Variants in SLC18B1 observed in about 807,000 individuals in gnomAD.
SLC18B1 encodes the protein MFS-type transporter SLC18B1.
A neutral mutation model predicts 53.9 loss-of-function variants in SLC18B1; 62 were observed. That is an observed-to-expected ratio of 1.15 (90% confidence interval 0.94 to 1.42). SLC18B1 has a LOEUF of 1.42. SLC18B1 is among the 40% of genes most tolerant of loss of function. The probability of loss-of-function intolerance (pLI) is 0.00; values close to 1 mark genes in which losing one functional copy is unlikely to be tolerated. For synonymous variants in SLC18B1, 217 were observed against 200.9 expected (o/e 1.08, Z -0.68); for missense variants, 598 against 547.3 (o/e 1.09, Z -0.93).
intron 6 of SLC18B1, among the ~76,000 whole-genome samples, chr6:132,780,936 GA>G (rs1202002960): frequency 6.6e-6 from 1 of 152,118 alleles, no homozygotes; most frequent in African/African-American, 2.4e-5. Context: ...CTCAACTACA[GA>G]AACTGCAGGA....
chr6:132,772,601 G>A (rs1244505807), intron 10 of SLC18B1, among the ~76,000 whole-genome samples: 1 of 152,138 alleles, frequency 6.6e-6, no homozygotes, highest in Non-Finnish European at 1.5e-5. Flanking sequence ...ATAGTACTTA[G>A]TGTTCTTCAT....
Position 132,798,630 on chromosome 6 carries a change from A to G in SLC18B1, c.-174T>C. The G allele has an allele frequency of 3.5e-6, 2 of 576,404 alleles. No homozygotes were observed. The highest frequency in any genetic ancestry group is 5.2e-6 in the Non-Finnish European group (2 of 382,166). The allele number at this position is 576,404 out of a possible 1,614,324, so 35.7% of individuals were successfully genotyped here. On this transcript the variant is annotated 5_prime_UTR_variant, in exon 1 of 14. Transcript: ENST00000275227. ...GGCCCGGAGCTCCCCAAAGCCTTCC[A>G]GGACTCTGGGTCCCCGGGAGGAGGC...
At chr6:132,781,136 T>C (rs933344352) in intron 6 of SLC18B1, among the ~76,000 whole-genome samples, 4 of 152,214 alleles carry the variant, frequency 2.6e-5, no homozygotes, top group African/African-American at 4.8e-5. Flanking sequence ...GTATTATGTA[T>C]TTACGGTAAG....
intron 4 of SLC18B1, 24 bp from the exon 5 acceptor site, chr6:132,787,605 G>GA: frequency 1.3e-6 from 2 of 1,493,794 alleles, no homozygotes; most frequent in Non-Finnish European, 1.8e-6. Flanking sequence ...AGACAATTCT[G>GA]AAATGCCAAG....
At chr6:132,770,487 G>A in intron 13 of SLC18B1, 151 bp from the exon 14 acceptor site, 1 of 666,074 alleles carries the variant, frequency 1.5e-6, no homozygotes. Context: ...TGTAATCCCA[G>A]CATTTTGGGA....
intron 1 of SLC18B1, among the ~76,000 whole-genome samples, chr6:132,797,742 A>G (rs1781735158): frequency 6.6e-6 from 1 of 152,250 alleles, no homozygotes; most frequent in Non-Finnish European, 1.5e-5. Context: ...TTACAGCGGT[A>G]TGCTTCTGGA....
chr6:132,794,967 G>A (rs1781633859), intron 2 of SLC18B1, among the ~76,000 whole-genome samples: 1 of 152,080 alleles, frequency 6.6e-6, no homozygotes, highest in Non-Finnish European at 1.5e-5. Context: ...TCATGCCACT[G>A]TACTTTCAGC....
At chr6:132,781,663 A>G (rs1781239677) in intron 6 of SLC18B1, among the ~76,000 whole-genome samples, 1 of 151,930 alleles carries the variant, frequency 6.6e-6, no homozygotes, top group Non-Finnish European at 1.5e-5. Context: ...AGGCTGAGGC[A>G]GGAGAATTGC....
intron 6 of SLC18B1, among the ~76,000 whole-genome samples, chr6:132,779,941 A>G (rs1048751048): frequency 1.3e-5 from 2 of 152,128 alleles, no homozygotes; most frequent in African/African-American, 4.8e-5. Flanking sequence ...ATCTTGTGAG[A>G]CTTATTCACT....
rs780737208 is a variant in SLC18B1 at position 132,796,354 on chromosome 6, CAA to C, written c.183+626_183+627del. On this transcript the variant is annotated intron_variant, in intron 2 of 13. Transcript: ENST00000275227. ...TGGGCGAGAGTGCGAGACTCCATCT[CAA>C]AAAAAAAAAAAAAAAAAAAATTACC... Among the ~76,000 whole-genome samples the C allele has an allele frequency of 9.2e-3, 410 of 44,662 alleles. 1 individual carries two copies. The highest frequency in any genetic ancestry group is 0.041 in the African/African-American group (363 of 8,882). The allele number at this position is 44,662 out of a possible 152,430, so 29.3% of individuals were successfully genotyped here. A position where few individuals can be genotyped will look rare whatever the true frequency, so the allele number is the denominator to read the frequency against.
At chr6:132,792,992 G>A (rs966943683) in intron 2 of SLC18B1, among the ~76,000 whole-genome samples, 3 of 152,124 alleles carry the variant, frequency 2.0e-5, no homozygotes, top group African/African-American at 7.2e-5. Flanking sequence ...GTGGTGATGC[G>A]CGCCTGTAAT....
At position 132,774,426 on chromosome 6, in the gene SLC18B1, A is replaced by G. The variant is rs576111936; in HGVS notation, c.898-113T>C. ...AATCATGATATTCAAAAACCCAAAT[A>G]CAATGAAGAAAACAAAACTTTACAT... is the stretch of plus-strand genomic sequence containing the variant. On this transcript the variant is annotated intron_variant, in intron 8 of 13. Coordinates refer to ENST00000275227, the MANE Select transcript of SLC18B1 (RefSeq NM_052831.3). The G allele has an allele frequency of 6.4e-5, 47 of 735,592 alleles. 1 individual carries two copies. The South Asian group carries it at 1.0e-3, about 16-fold the overall frequency. 45.6% of individuals were successfully genotyped at this position (735,592 alleles called of 1,614,324 possible). A position where few individuals can be genotyped will look rare whatever the true frequency, so the allele number is the denominator to read the frequency against.
chr6:132,771,037 C>T lies in SLC18B1; in HGVS notation c.1253G>A (p.Ser418Asn). 1 of 1,612,896 alleles carries T rather than the reference C, an allele frequency of 6.2e-7. No homozygotes were observed. Among genetic ancestry groups the T allele is most frequent in the South Asian group, 1.1e-5 (1 of 90,654 alleles). Residue 418 changes from serine to asparagine, a missense_variant and splice_region_variant, in exon 12 of 14, where the codon AGT becomes AAT. Ser to Asn is a conservative substitution (Grantham distance 46). Transcript: ENST00000275227. ...AAIQGLWALI[S>N]GLAMGLFYLL... ...GCAAATAAAAGACTGATTACTCACA[C>T]TTATCAGAGCCCATAGACCTTGTAT...
chr6:132,785,396 C>T (rs143929146), intron 5 of SLC18B1, among the ~76,000 whole-genome samples: 72 of 152,308 alleles, frequency 4.7e-4, no homozygotes, highest in African/African-American at 1.7e-3. Context: ...AAAGGGTTTA[C>T]CACTATAGAT....
chr6:132,788,619 G>A (rs1582869190), intron 4 of SLC18B1, among the ~76,000 whole-genome samples: 1 of 151,958 alleles, frequency 6.6e-6, no homozygotes, highest in African/African-American at 2.4e-5. Context: ...TCAGGAGTTC[G>A]AGACCAGCCT....
chr6:132,786,670 G>C (rs145494274), intron 5 of SLC18B1, among the ~76,000 whole-genome samples: 2 of 151,954 alleles, frequency 1.3e-5, no homozygotes, highest in Non-Finnish European at 2.9e-5. Context: ...GGGAGTCCTC[G>C]GTACTAAGCT....
intron 2 of SLC18B1, among the ~76,000 whole-genome samples, chr6:132,796,272 G>A (rs1187501005): frequency 6.8e-6 from 1 of 146,770 alleles, no homozygotes; most frequent in African/African-American, 2.6e-5. Context: ...GGAGAATGGC[G>A]TGAACTCAGG....
At chr6:132,792,338 A>AGGAAGGAAGGAAGGAT (rs1781566423) in intron 2 of SLC18B1, among the ~76,000 whole-genome samples, 1 of 133,812 alleles carries the variant, frequency 7.5e-6, no homozygotes, top group African/African-American at 3.2e-5. Context: ...GAAGGAAGGA[A>AGGAAGGAAGGAAGGAT]GGAAGGAAGG....
At chr6:132,787,833 C>T (rs1269147843) in intron 4 of SLC18B1, among the ~76,000 whole-genome samples, 1 of 151,880 alleles carries the variant, frequency 6.6e-6, no homozygotes, top group East Asian at 1.9e-4. Context: ...TATAACTGGT[C>T]CCCCAGATAA....
Sources: gnomAD v4.1 joint callset for allele counts (sites outside exome capture counted in the v4.1 genomes callset) on GRCh38, gnomAD v4.1.1 for gene constraint, MANE v1.5 for transcripts, NCBI Gene and HGNC (gene_info 2026-07-23, HGNC 2026-07-21) for gene names.